DNAJC6: variants seen among roughly 807,000 people sequenced by gnomAD.
The protein encoded by DNAJC6 is auxilin.
In DNAJC6, 34 loss-of-function variants were observed where a neutral mutation model predicts 110.0. The ratio of observed to expected loss-of-function variants is 0.31; its 90% CI spans 0.24 to 0.41. DNAJC6 has a LOEUF of 0.41. Among genes scored for constraint, DNAJC6 ranks in the 10% least tolerant of loss-of-function variants. The probability of loss-of-function intolerance (pLI) is 1.00; values close to 1 mark genes in which losing one functional copy is unlikely to be tolerated. For missense variants in DNAJC6, 1,031 were observed against 1,207.8 expected, an observed-to-expected ratio of 0.85 and a Z score of 2.17; for synonymous variants, 406 against 437.2, an observed-to-expected ratio of 0.93 and a Z score of 0.89.
At chr1:65,314,767 C>T (rs371730170) in intron 1 of DNAJC6, among the ~76,000 whole-genome samples, 13 of 152,192 alleles carry the variant, frequency 8.5e-5, no homozygotes, top group Admixed American at 1.3e-4. Flanking sequence ...GGATTACAGG[C>T]GTGAGCCACT....
chr1:65,411,312 C>T lies in DNAJC6; in HGVS notation c.2697C>T (p.Thr899=), dbSNP rs149097758. ...NIRALLSTMH[T]VLWAGETKWK... is the part of the protein sequence containing the mutation. ...GAGCCCTTCTTTCCACGATGCATAC[C>T]GTACTATGGGCTGGGGAGACCAAGT... is the stretch of plus-strand genomic sequence containing the variant. Residue 899 remains threonine (T), a synonymous_variant, in exon 18 of 19, where the codon ACC becomes ACT. Transcript: ENST00000371069. 220 of 1,613,982 alleles carry T rather than the reference C, an allele frequency of 1.4e-4. No homozygotes were observed. The highest frequency in any genetic ancestry group is 1.8e-4 in the Admixed American group (11 of 60,000).
intron 1 of DNAJC6, 78 bp downstream of exon 1, chr1:65,310,016 C>T: frequency 7.3e-7 from 1 of 1,366,974 alleles, no homozygotes. Flanking sequence ...CCCGAGGCCC[C>T]CCCGTGGTCC....
At chr1:65,362,201 C>T (rs141669760) in intron 1 of DNAJC6, among the ~76,000 whole-genome samples, 56 of 46,376 alleles carry the variant, frequency 1.2e-3, no homozygotes, top group Middle Eastern at 0.014. Flanking sequence ...AGTTTCTTAA[C>T]GTCTGTGCCT....
intron 15 of DNAJC6, among the ~76,000 whole-genome samples, chr1:65,405,118 A>G (rs141603939): frequency 1.3e-5 from 2 of 152,326 alleles, no homozygotes; most frequent in African/African-American, 4.8e-5. Flanking sequence ...TATTTTGGAC[A>G]TAGCCCAGCT....
chr1:65,387,513 T>C (rs9436726), intron 8 of DNAJC6, among the ~76,000 whole-genome samples: 98,720 of 152,052 alleles, frequency 0.65, 32,515 homozygotes, highest in African/African-American at 0.79. Flanking sequence ...TATGGATTTG[T>C]CTATTTGGGA....
At chr1:65,290,947 C>T (rs145083905) in intron 1 of DNAJC6, among the ~76,000 whole-genome samples, 10 of 152,306 alleles carry the variant, frequency 6.6e-5, no homozygotes, top group African/African-American at 2.4e-4. Context: ...TAAAATGTCT[C>T]AATTCATTCT....
chr1:65,399,564 C>T (rs1646010932), intron 14 of DNAJC6, among the ~76,000 whole-genome samples: 1 of 152,162 alleles, frequency 6.6e-6, no homozygotes, highest in Non-Finnish European at 1.5e-5. Context: ...AACATTTACC[C>T]TGCCAATAAT....
At chr1:65,341,274 C>T (rs2101485778) in intron 1 of DNAJC6, among the ~76,000 whole-genome samples, 1 of 152,282 alleles carries the variant, frequency 6.6e-6, no homozygotes, top group Admixed American at 6.5e-5. Context: ...GGAAACCAAA[C>T]CCTTGCAATG....
intron 15 of DNAJC6, among the ~76,000 whole-genome samples, chr1:65,404,218 A>G (rs943153530): frequency 1.3e-5 from 2 of 152,314 alleles, no homozygotes; most frequent in African/African-American, 4.8e-5. Context: ...ACATTTTCCT[A>G]TCACCAAGTG....
chr1:65,392,760 G>A lies in DNAJC6; in HGVS notation c.1798G>A (p.Gly600Arg). Residue 600 changes from glycine (G) to arginine (R), a missense_variant, in exon 12 of 19, where the codon GGA becomes AGA. Transcript: ENST00000371069. ...AAGPTQAGQS[G>R]VEDVFHPSGP... The stretch of plus-strand genomic sequence containing the variant: ...TGGTCCCACCCAGGCTGGACAGTCA[G>A]GAGTGGAAGATGTGTTTCATCCTAG... 1.2e-6 allele frequency: 2 copies of A among 1,612,498 alleles called. No individual in the cohort carries two copies. The highest frequency in any genetic ancestry group is 1.7e-6 in the Non-Finnish European group (2 of 1,179,260).
At chr1:65,296,705 G>A (rs1299964331) in intron 1 of DNAJC6, among the ~76,000 whole-genome samples, 1 of 150,500 alleles carries the variant, frequency 6.6e-6, no homozygotes, top group Admixed American at 6.7e-5. Flanking sequence ...CTCTGCCTCA[G>A]CCTCCTGAGT....
intron 4 of DNAJC6, among the ~76,000 whole-genome samples, chr1:65,377,054 C>T (rs1645773544): frequency 6.6e-6 from 1 of 152,188 alleles, no homozygotes; most frequent in African/African-American, 2.4e-5. Context: ...TGAGCCACCA[C>T]ACCTGGCCAA....
intron 1 of DNAJC6, among the ~76,000 whole-genome samples, chr1:65,266,647 G>T (rs1536172): frequency 0.36 from 54,260 of 151,912 alleles, 10,107 homozygotes; most frequent in Non-Finnish European, 0.44. Flanking sequence ...AAGAATGTTG[G>T]ATTTTCCTGT....
chr1:65,300,120 G>A (rs1376508681), intron 1 of DNAJC6, among the ~76,000 whole-genome samples: 2 of 151,674 alleles, frequency 1.3e-5, no homozygotes, highest in African/African-American at 2.4e-5. Context: ...CAGTTAGTTT[G>A]GATGCACATA....
chr1:65,408,151 C>T (rs912858877), intron 16 of DNAJC6, among the ~76,000 whole-genome samples: 12 of 152,118 alleles, frequency 7.9e-5, no homozygotes, highest in African/African-American at 2.9e-4. Flanking sequence ...TGTTCCTAGC[C>T]ACCATGCTCG....
intron 1 of DNAJC6, among the ~76,000 whole-genome samples, chr1:65,278,219 G>T (rs888486309): frequency 1.3e-5 from 2 of 152,030 alleles, no homozygotes; most frequent in Non-Finnish European, 2.9e-5. Context: ...TGCAAGCTCC[G>T]TTCATTTACT....
intron 1 of DNAJC6, among the ~76,000 whole-genome samples, chr1:65,347,325 G>C (rs1446445519): frequency 6.6e-6 from 1 of 152,010 alleles, no homozygotes; most frequent in Non-Finnish European, 1.5e-5. Flanking sequence ...GTAGACCTCA[G>C]GGGTAGAGAA....
intron 1 of DNAJC6, among the ~76,000 whole-genome samples, chr1:65,350,816 C>T (rs1248634319): frequency 6.6e-6 from 1 of 152,182 alleles, no homozygotes; most frequent in African/African-American, 2.4e-5. Flanking sequence ...CAAGAGCTTT[C>T]CATTTTGGCT....
intron 1 of DNAJC6, among the ~76,000 whole-genome samples, chr1:65,332,464 A>G (rs1645297553): frequency 6.6e-6 from 1 of 152,206 alleles, no homozygotes; most frequent in Non-Finnish European, 1.5e-5. Context: ...AACTAATATC[A>G]TGTTTGAGTC....
Sources: gnomAD v4.1 joint callset for allele counts (sites outside exome capture counted in the v4.1 genomes callset) on GRCh38, gnomAD v4.1.1 for gene constraint, MANE v1.5 for transcripts, NCBI Gene and HGNC (gene_info 2026-07-23, HGNC 2026-07-21) for gene names.